The following RPGRIP1 variants were observed in gnomAD, a reference collection of about 807,000 sequenced individuals.
The protein encoded by RPGRIP1 is X-linked retinitis pigmentosa GTPase regulator-interacting protein 1.
In RPGRIP1, 128 loss-of-function variants were observed where a neutral mutation model predicts 157.9. That is an observed-to-expected ratio of 0.81 (90% CI 0.70 to 0.94). The LOEUF (loss-of-function observed/expected upper bound fraction) is 0.94. RPGRIP1 is among the 40% of genes least tolerant of loss of function. The probability of loss-of-function intolerance (pLI) is 0.00; values close to 1 mark genes in which losing one functional copy is unlikely to be tolerated. For synonymous variants in RPGRIP1, 554 were observed against 571.6 expected, an observed-to-expected ratio of 0.97 and a Z score of 0.44; for missense variants, 1,486 against 1,545.8, an observed-to-expected ratio of 0.96 and a Z score of 0.65.
chr14:21,292,804 A>G (rs1880588841), intron 2 of RPGRIP1, among the ~76,000 whole-genome samples: 1 of 151,778 alleles, frequency 6.6e-6, no homozygotes, highest in Non-Finnish European at 1.5e-5. Context: ...GAGCCAAGAC[A>G]GCACCACTAC....
chr14:21,294,548 C>G (rs966656853), intron 2 of RPGRIP1, 129 bp from the exon 3 acceptor site: 22 of 928,300 alleles, frequency 2.4e-5, no homozygotes, highest in Non-Finnish European at 3.2e-5. Flanking sequence ...TCTCATACTT[C>G]CTGATTTCCT....
chr14:21,343,639 C>T (rs959894921), intron 22 of RPGRIP1, among the ~76,000 whole-genome samples: 11 of 151,764 alleles, frequency 7.2e-5, no homozygotes, highest in East Asian at 5.8e-4. Flanking sequence ...TGCAGGTGTG[C>T]GCCACCGTGC....
chr14:21,348,716 A>AGTGCAGTG (rs1885825090), intron 24 of RPGRIP1, among the ~76,000 whole-genome samples: 1 of 132,414 alleles, frequency 7.6e-6, no homozygotes, highest in Non-Finnish European at 1.5e-5. Flanking sequence ...CCCAGGCTGG[A>AGTGCAGTG]GTGCAGTGGT....
chr14:21,285,422 G>A (rs1394153612), intron 1 of RPGRIP1, among the ~76,000 whole-genome samples: 1 of 151,882 alleles, frequency 6.6e-6, no homozygotes, highest in African/African-American at 2.4e-5. Flanking sequence ...TGGCTAACAT[G>A]GTGAGACCCC....
chr14:21,325,769 G>A (rs1883014150), intron 16 of RPGRIP1, 62 bp from the exon 17 acceptor site: 2 of 1,239,042 alleles, frequency 1.6e-6, no homozygotes, highest in Non-Finnish European at 2.3e-6. Context: ...ACAGATCCTA[G>A]GCTTCACCTA....
chr14:21,300,305 CA>C (rs35287014), intron 3 of RPGRIP1, among the ~76,000 whole-genome samples: 141 of 98,172 alleles, frequency 1.4e-3, no homozygotes, highest in South Asian at 1.8e-3. Flanking sequence ...AAGTCCGTCT[CA>C]AAAAAAAAAA....
At chr14:21,301,722 T>TAATAAA (rs1443437374) in intron 4 of RPGRIP1, among the ~76,000 whole-genome samples, 19 of 75,120 alleles carry the variant, frequency 2.5e-4, no homozygotes, top group Non-Finnish European at 4.6e-4. Context: ...ATAATAATAA[T>TAATAAA]AAAAAATTAG....
chr14:21,289,861 C>T (rs1880451137), intron 2 of RPGRIP1, among the ~76,000 whole-genome samples: 1 of 136,558 alleles, frequency 7.3e-6, no homozygotes, highest in African/African-American at 2.8e-5. Context: ...ATGTTCATAG[C>T]AGTATTTTTT....
chr14:21,338,619 A>C (rs1365870241), intron 21 of RPGRIP1, among the ~76,000 whole-genome samples: 1 of 152,248 alleles, frequency 6.6e-6, no homozygotes, highest in Non-Finnish European at 1.5e-5. Flanking sequence ...GAATCCAACA[A>C]AAAATATTAG....
chr14:21,343,767 T>C (rs1412276649), intron 22 of RPGRIP1, among the ~76,000 whole-genome samples: 4 of 151,860 alleles, frequency 2.6e-5, no homozygotes, highest in Non-Finnish European at 4.4e-5. Context: ...GCTGGGATTA[T>C]AGGCGTGAGC....
At chr14:21,341,353 C>T (rs1335049741) in intron 21 of RPGRIP1, among the ~76,000 whole-genome samples, 1 of 152,192 alleles carries the variant, frequency 6.6e-6, no homozygotes, top group Non-Finnish European at 1.5e-5. Flanking sequence ...TTTTAAGAAG[C>T]ACCCCAGATG....
intron 1 of RPGRIP1, among the ~76,000 whole-genome samples, chr14:21,283,782 C>T (rs113161731): frequency 2.0e-5 from 3 of 152,146 alleles, no homozygotes; most frequent in East Asian, 1.9e-4. Context: ...CTCAGCCTCC[C>T]GAGTAGCCGG....
At chr14:21,291,644 G>A (rs535419921) in intron 2 of RPGRIP1, among the ~76,000 whole-genome samples, 11 of 151,646 alleles carry the variant, frequency 7.3e-5, no homozygotes, top group Admixed American at 3.3e-4. Context: ...GCAGTGGTGC[G>A]ATCTTGGCTT....
At chr14:21,303,033 C>T (rs1003470863) in intron 5 of RPGRIP1, 6 of 290,540 alleles carry the variant, frequency 2.1e-5, no homozygotes, top group Non-Finnish European at 3.3e-5. Context: ...CCATGCCCAG[C>T]TAATTTTTGT....
At chr14:21,334,492 C>G in intron 20 of RPGRIP1, 113 bp from the exon 21 acceptor site, 6 of 755,522 alleles carry the variant, frequency 7.9e-6, no homozygotes, top group Non-Finnish European at 1.4e-5. Flanking sequence ...AAGGCAAAAT[C>G]TAGACACTCG....
chr14:21,335,086 G>A (rs1370363059), intron 21 of RPGRIP1, among the ~76,000 whole-genome samples: 1 of 148,794 alleles, frequency 6.7e-6, no homozygotes, highest in Non-Finnish European at 1.5e-5. Context: ...TAATGACAGT[G>A]TGCTTAGTGG....
At chr14:21,315,585 C>T (rs1179064857) in intron 10 of RPGRIP1, among the ~76,000 whole-genome samples, 2 of 151,226 alleles carry the variant, frequency 1.3e-5, no homozygotes, top group African/African-American at 4.9e-5. Context: ...GGAGGTCTTA[C>T]GGGAGCATCT....
Position 21,348,285 on chromosome 14 carries a change from T to C in RPGRIP1, c.3731T>C (p.Leu1244Pro), listed in dbSNP as rs372485763. The C allele has an allele frequency of 4.4e-5, 69 of 1,583,592 alleles. No individual in the cohort carries two copies. The highest frequency in any genetic ancestry group is 5.9e-5 in the Non-Finnish European group (69 of 1,166,418). ...WQILESGRDI[L>P]EQELDIVSPE... is the part of the protein sequence containing the mutation. ...ATCCTGGAGTCAGGAAGAGATATTC[T>C]AGAGCAAGAGCTAGACAGTGAGTCA... is the stretch of plus-strand genomic sequence containing the variant. The change falls in exon 24 of 25, where the codon CTA becomes CCA. Residue 1244 changes from leucine (L) to proline (P), a missense_variant. Physicochemically the swap from Leu to Pro is moderately conservative, Grantham distance 98 (BLOSUM62 -3). Transcript: ENST00000400017.
rs1046987383 is a variant in RPGRIP1, at chr14:21,300,855, C to T, written c.219-111C>T. ...TCTTTTTAAAGTGTGGTTAATAGAT[C>T]ACGGTAGATGAATACATATTATAGA... On this transcript the variant is annotated intron_variant, in intron 3 of 24. Transcript: ENST00000400017. The T allele has an allele frequency of 2.4e-6, 3 of 1,263,200 alleles. No individual in the cohort carries two copies. The African/African-American group carries it at 4.5e-5, about 19-fold the overall frequency. The allele number at this position is 1,263,200 out of a possible 1,614,324, so 78.2% of individuals were successfully genotyped here.
Sources: allele counts gnomAD v4.1 joint callset (sites outside exome capture counted in the v4.1 genomes callset), GRCh38; gene constraint gnomAD v4.1.1; transcripts MANE v1.5; gene names NCBI Gene and HGNC (gene_info 2026-07-23, HGNC 2026-07-21).